Variants in KSR1 observed in about 807,000 individuals in gnomAD.
The protein encoded by KSR1 is kinase suppressor of ras.
KSR1 carries 35 observed loss-of-function variants against 92.9 expected under a neutral mutation model. The ratio of observed to expected loss-of-function variants is 0.38; its 90% confidence interval spans 0.29 to 0.50. The LOEUF (loss-of-function observed/expected upper bound fraction) is 0.50, where lower values mean the gene tolerates loss of function less well. Among genes scored for constraint, KSR1 ranks in the 20% least tolerant of loss-of-function variants. KSR1 has a pLI of 0.94. For synonymous variants in KSR1, 467 were observed against 472.6 expected (o/e 0.99, Z 0.15); for missense variants, 972 against 1,158.5 (o/e 0.84, Z 2.34).
chr17:27,552,541 C>CT (rs1397036616), intron 2 of KSR1, among the ~76,000 whole-genome samples: 1 of 152,090 alleles, frequency 6.6e-6, no homozygotes, highest in Non-Finnish European at 1.5e-5. Context: ...AAAGAACCCC[C>CT]TTCCCAGCTA....
chr17:27,570,043 G>A (rs2072245121), intron 2 of KSR1, among the ~76,000 whole-genome samples: 1 of 152,198 alleles, frequency 6.6e-6, no homozygotes. Flanking sequence ...CTCCTCCAAA[G>A]GACTGGAGTG....
chr17:27,591,684 G>C (rs1168213060), intron 7 of KSR1, among the ~76,000 whole-genome samples: 3 of 152,196 alleles, frequency 2.0e-5, no homozygotes, highest in Non-Finnish European at 2.9e-5. Flanking sequence ...TTTCTCTCTA[G>C]TCTGGGTCTC....
At chr17:27,526,985 A>G (rs2070329822) in intron 1 of KSR1, 5 of 554,742 alleles carry the variant, frequency 9.0e-6, no homozygotes, top group Non-Finnish European at 1.3e-5. Flanking sequence ...TTTTAGTCCA[A>G]GCCTTGATGT....
At position 27,623,452 on chromosome 17, in the gene KSR1, C is replaced by G. The variant is rs751333784; in HGVS notation, c.*60C>G. On this transcript the variant is annotated 3_prime_UTR_variant, in exon 21 of 21. Transcript: ENST00000644974. Reference sequence around the variant, plus strand: ...TTTTTAAAATGTGTTTCTGAAACATCCCAACAACCACCACGACAAAAAAAC... The same window carrying G: ...TTTTTAAAATGTGTTTCTGAAACATGCCAACAACCACCACGACAAAAAAAC... 3 of 721,342 alleles carry G rather than the reference C, an allele frequency of 4.2e-6. No homozygotes were observed. The highest frequency in any genetic ancestry group is 1.4e-5 in the South Asian group (1 of 69,192). The allele number at this position is 721,342 out of a possible 1,614,324, so 44.7% of individuals were successfully genotyped here.
At chr17:27,548,144 C>G (rs571613394) in intron 1 of KSR1, among the ~76,000 whole-genome samples, 3 of 150,888 alleles carry the variant, frequency 2.0e-5, no homozygotes, top group Non-Finnish European at 1.5e-5. Context: ...GCCTGTAATC[C>G]CAGGACTTTG....
At chr17:27,600,247 CA>C (rs1450244646) in intron 10 of KSR1, among the ~76,000 whole-genome samples, 4 of 151,896 alleles carry the variant, frequency 2.6e-5, no homozygotes, top group Non-Finnish European at 4.4e-5. Flanking sequence ...CCAGCCTGGC[CA>C]ACATAGTGAA....
In KSR1 at chr17:27,611,484, G is replaced by A. The variant is rs951752505; in HGVS notation, c.2358-10G>A. 2 of 1,613,620 alleles carry A rather than the reference G, an allele frequency of 1.2e-6. No individual in the cohort carries two copies. Among genetic ancestry groups the A allele is most frequent in the African/African-American group, 2.7e-5 (2 of 74,906 alleles). Reference sequence around the variant, plus strand: ...CCCAGGAGCTCACAGACATGGCTGGGTCTCTGCAGGACTGTTTGGTATGAG... The same window carrying A: ...CCCAGGAGCTCACAGACATGGCTGGATCTCTGCAGGACTGTTTGGTATGAG... On this transcript the variant is annotated splice_polypyrimidine_tract_variant and intron_variant, in intron 17 of 20. Coordinates refer to ENST00000644974, the MANE Select transcript of KSR1 (RefSeq NM_001394583.1).
At chr17:27,505,955 A>G (rs1184947281) in intron 1 of KSR1, among the ~76,000 whole-genome samples, 2 of 152,202 alleles carry the variant, frequency 1.3e-5, no homozygotes, top group Non-Finnish European at 2.9e-5. Context: ...TGGCTTGTGC[A>G]TAGTTGATGT....
chr17:27,596,636 T>C (rs941164159), intron 9 of KSR1, among the ~76,000 whole-genome samples: 2 of 152,150 alleles, frequency 1.3e-5, no homozygotes, highest in Non-Finnish European at 2.9e-5. Context: ...AGCCATCACC[T>C]CTTTCAGGGT....
chr17:27,586,417 C>G (rs979754687), intron 5 of KSR1, among the ~76,000 whole-genome samples: 2 of 152,204 alleles, frequency 1.3e-5, no homozygotes, highest in East Asian at 1.9e-4. Context: ...AGGAGAGTCA[C>G]GTAGCTGTGG....
chr17:27,517,608 T>C (rs534713828), intron 1 of KSR1, among the ~76,000 whole-genome samples: 1 of 152,350 alleles, frequency 6.6e-6, no homozygotes, highest in Non-Finnish European at 1.5e-5. Flanking sequence ...TAATAATTCT[T>C]TCATTTTCAT....
intron 1 of KSR1, among the ~76,000 whole-genome samples, chr17:27,491,144 G>A (rs1215161668): frequency 1.1e-4 from 16 of 151,942 alleles, no homozygotes; most frequent in Non-Finnish European, 2.2e-4. Flanking sequence ...TTTTAGAGGT[G>A]GAGTCTCATT....
At chr17:27,518,114 T>TA (rs1463015032) in intron 1 of KSR1, among the ~76,000 whole-genome samples, 2 of 152,298 alleles carry the variant, frequency 1.3e-5, no homozygotes, top group African/African-American at 4.8e-5. Context: ...AGTAGGCTGT[T>TA]AGAGATGCTC....
chr17:27,599,077 AC>A (rs1388487676), intron 10 of KSR1, among the ~76,000 whole-genome samples: 4 of 152,258 alleles, frequency 2.6e-5, no homozygotes, highest in African/African-American at 9.6e-5. Flanking sequence ...GAGCGCACTT[AC>A]GTAAACCCAG....
rs1306903862 is a variant in KSR1 at position 27,470,882 on chromosome 17, TA to T, written c.231+14011del. Among the ~76,000 whole-genome samples, 6 of 142,252 alleles carry T rather than the reference TA, an allele frequency of 4.2e-5. No individual in the cohort carries two copies. In the South Asian group the frequency reaches 6.9e-4, roughly 16 times the overall value. The allele number at this position is 142,252 out of a possible 152,430, so 93.3% of individuals were successfully genotyped here. On this transcript the variant is annotated intron_variant, in intron 1 of 20. Transcript: ENST00000644974. ...ATTCATTCAGTGACTTTTTTTTTTT[TA>T]AATTTCAGACAGAGACTCACCCTGT...
At chr17:27,602,639 C>T (rs1036667090) in intron 11 of KSR1, among the ~76,000 whole-genome samples, 1 of 152,206 alleles carries the variant, frequency 6.6e-6, no homozygotes, top group African/African-American at 2.4e-5. Flanking sequence ...TTACTACTTC[C>T]CTCATGCTTT....
chr17:27,467,478 C>T (rs762792833), intron 1 of KSR1, among the ~76,000 whole-genome samples: 3 of 152,178 alleles, frequency 2.0e-5, no homozygotes, highest in Admixed American at 1.3e-4. Flanking sequence ...AATCACAGAG[C>T]GATTACTTAA....
In KSR1 at chr17:27,582,869, A is replaced by G. The variant is rs1304788517; in HGVS notation, c.744A>G (p.Ser248=). The G allele has an allele frequency of 6.2e-7, 1 of 1,611,508 alleles. No homozygotes were observed. The highest frequency in any genetic ancestry group is 1.3e-5 in the African/African-American group (1 of 74,240). The part of the protein sequence containing the change: ...SPTPSFSEGL[S]DTCIPLHASG... ...CCCCCAGCTTCAGTGAGGGCCTCTCAGACACCTGTATTCCCCTGCACGCCA... is the reference window on the plus strand; with the variant it reads ...CCCCCAGCTTCAGTGAGGGCCTCTCGGACACCTGTATTCCCCTGCACGCCA... Residue 248 remains serine, a synonymous_variant, in exon 4 of 21, where the codon TCA becomes TCG. Coordinates refer to ENST00000644974, the MANE Select transcript of KSR1 (RefSeq NM_001394583.1).
chr17:27,458,452 C>T lies in KSR1; in HGVS notation c.231+1578C>T, dbSNP rs544279186. Among the ~76,000 whole-genome samples the T allele has an allele frequency of 2.0e-4, 30 of 152,328 alleles. 1 individual carries two copies. Among genetic ancestry groups the T allele is most frequent in the Middle Eastern group, 3.4e-3 (1 of 294 alleles). On this transcript the variant is annotated intron_variant, in intron 1 of 20. Transcript: ENST00000644974. ...ATTGTCCCCACGTTGCTCTGAAGTGCTCCTGGCTTCCAGAGTGTGTATATA... is the reference window on the plus strand; with the variant it reads ...ATTGTCCCCACGTTGCTCTGAAGTGTTCCTGGCTTCCAGAGTGTGTATATA...
Sources: gnomAD v4.1 joint callset for allele counts (sites outside exome capture counted in the v4.1 genomes callset) on GRCh38, gnomAD v4.1.1 for gene constraint, MANE v1.5 for transcripts, NCBI Gene and HGNC (gene_info 2026-07-23, HGNC 2026-07-21) for gene names.